RPE: variants seen among roughly 807,000 people sequenced by gnomAD.
RPE encodes the protein ribulose-phosphate 3-epimerase.
Under a neutral mutation model 24.6 loss-of-function variants are expected in RPE, and 16 were observed. That is an observed-to-expected ratio of 0.65 (90% CI 0.44 to 0.99). The LOEUF (loss-of-function observed/expected upper bound fraction) is 0.99, where lower values mean the gene tolerates loss of function less well. Ranked by LOEUF, RPE falls within the 50% of genes least tolerant of loss-of-function variation. The pLI is 0.00. For synonymous variants in RPE, 93 were observed against 98.4 expected (o/e 0.94, Z 0.33); for missense variants, 240 against 294.5 (o/e 0.81, Z 1.35).
chr2:210,009,685 C>T lies in RPE; in HGVS notation c.151C>T (p.His51Tyr). The change falls in exon 2 of 6, where the codon CAC (histidine) becomes TAC (tyrosine). Residue 51 changes from histidine (H) to tyrosine (Y), a missense_variant. Transcript: ENST00000359429. The part of the protein sequence containing the change: ...GHFVPNITFG[H>Y]PVVESLRKQL... ...TTTTGTTCCCAACATCACCTTTGGTCACCCTGTGGTAGAAAGCCTTCGAAA... is the reference window on the plus strand; with the variant it reads ...TTTTGTTCCCAACATCACCTTTGGTTACCCTGTGGTAGAAAGCCTTCGAAA... The T allele has an allele frequency of 6.2e-7, 1 of 1,614,136 alleles. No individual in the cohort carries two copies. Among genetic ancestry groups the T allele is most frequent in the Non-Finnish European group, 8.5e-7 (1 of 1,180,022 alleles).
At position 210,004,199 on chromosome 2, in the gene RPE, A is replaced by G. The variant is rs553391491; in HGVS notation, c.122+1416A>G. Among the ~76,000 whole-genome samples, 4 of 152,312 alleles carry G rather than the reference A, an allele frequency of 2.6e-5. No homozygotes were observed. In the East Asian group the frequency reaches 5.8e-4, roughly 22 times the overall value. Reference sequence around the variant, plus strand: ...CAGCTATGTGTATATTTGTGAGTCTATTTGAGCAATTTGGTTTTAATTAAA... The same window carrying G: ...CAGCTATGTGTATATTTGTGAGTCTGTTTGAGCAATTTGGTTTTAATTAAA... On this transcript the variant is annotated intron_variant, in intron 1 of 5. Transcript: ENST00000359429.
At chr2:210,010,176 C>G (rs2093681892) in intron 2 of RPE, among the ~76,000 whole-genome samples, 1 of 152,162 alleles carries the variant, frequency 6.6e-6, no homozygotes, top group Admixed American at 6.5e-5. Flanking sequence ...ATGATCAGGG[C>G]TCAGTGTAAT....
chr2:210,005,208 C>T (rs1200400196), intron 1 of RPE, among the ~76,000 whole-genome samples: 1 of 151,894 alleles, frequency 6.6e-6, no homozygotes, highest in East Asian at 1.9e-4. Flanking sequence ...GAAATGTGGC[C>T]AGCCACAATG....
chr2:210,005,263 C>G (rs1029639919), intron 1 of RPE, among the ~76,000 whole-genome samples: 1 of 151,928 alleles, frequency 6.6e-6, no homozygotes, highest in African/African-American at 2.4e-5. Flanking sequence ...TTTTCCTGGC[C>G]CCTTTTAAAA....
rs372066514 is a variant in RPE at position 210,021,790 on chromosome 2, A to G, written c.*1999A>G. The G allele has an allele frequency of 5.1e-4, 77 of 152,072 alleles. No individual in the cohort carries two copies. Among genetic ancestry groups the G allele is most frequent in the African/African-American group, 1.7e-3 (72 of 41,512 alleles). 9.4% of individuals were successfully genotyped at this position (152,072 alleles called of 1,614,324 possible). On this transcript the variant is annotated 3_prime_UTR_variant, in exon 6 of 6. Transcript: ENST00000359429. ...TTTCACATAGGAAAAAAATGGTTTAATAGCTTCAAAAGGAATTTTCTTTCA... is the reference window on the plus strand; with the variant it reads ...TTTCACATAGGAAAAAAATGGTTTAGTAGCTTCAAAAGGAATTTTCTTTCA...
In RPE at chr2:210,018,314, G is replaced by T. The variant is rs1198355516; in HGVS notation, c.564+755G>T. On this transcript the variant is annotated intron_variant, in intron 5 of 5. Coordinates refer to ENST00000359429, the MANE Select transcript of RPE (RefSeq NM_199229.3). ...CATATTATTTAGTTGTTCCTTGTAA[G>T]AACTTGCTAGAACCATTTTTGATGA... The T allele has an allele frequency of 2.1e-6, 3 of 1,430,294 alleles. No homozygotes were observed. The African/African-American group carries it at 4.4e-5, about 21-fold the overall frequency. The allele number at this position is 1,430,294 out of a possible 1,614,324, so 88.6% of individuals were successfully genotyped here.
At chr2:210,019,470 A>T (rs2093827463) in intron 5 of RPE, among the ~76,000 whole-genome samples, 199 bp from the exon 6 acceptor site, 1 of 152,216 alleles carries the variant, frequency 6.6e-6, no homozygotes. Context: ...ACATTTAAAA[A>T]TAGTCTGACA....
At chr2:210,019,515 G>A (rs2093828552) in intron 5 of RPE, among the ~76,000 whole-genome samples, 154 bp from the exon 6 acceptor site, 3 of 152,102 alleles carry the variant, frequency 2.0e-5, no homozygotes, top group Admixed American at 6.6e-5. Context: ...TTTTCTTATT[G>A]AACTAGATTG....
intron 5 of RPE, among the ~76,000 whole-genome samples, chr2:210,019,245 T>C (rs2125093691): frequency 6.6e-6 from 1 of 152,358 alleles, no homozygotes; most frequent in South Asian, 2.1e-4. Context: ...TTTACATTTT[T>C]AGCAATAATT....
rs1188835506 is a variant in RPE, at chr2:210,015,999, G to C, written c.229G>C (p.Glu77Gln). 2 of 1,614,214 alleles carry C rather than the reference G, an allele frequency of 1.2e-6. No homozygotes were observed. Among genetic ancestry groups the C allele is most frequent in the South Asian group, 2.2e-5 (2 of 91,086 alleles). ...CATGCACATGATGGTGTCCAAGCCA[G>C]AACAGTGGGTAAAGCCAATGGCTGT... is the stretch of plus-strand genomic sequence containing the variant. The part of the protein sequence containing the change: ...FDMHMMVSKP[E>Q]QWVKPMAVAG... Residue 77 changes from glutamate (E) to glutamine (Q), a missense_variant, in exon 3 of 6, where the codon GAA (glutamate) becomes CAA (glutamine). Glu to Gln is a conservative substitution (Grantham distance 29). Transcript: ENST00000359429.
intron 2 of RPE, among the ~76,000 whole-genome samples, chr2:210,010,796 T>C (rs1182987443): frequency 6.6e-6 from 1 of 152,064 alleles, no homozygotes; most frequent in Non-Finnish European, 1.5e-5. Flanking sequence ...CAAACACCTA[T>C]AATCCCAGCT....
At chr2:210,013,400 T>C (rs2093727454) in intron 2 of RPE, among the ~76,000 whole-genome samples, 1 of 151,656 alleles carries the variant, frequency 6.6e-6, no homozygotes, top group African/African-American at 2.4e-5. Context: ...AGCCTCAGTC[T>C]TGATGGGCTC....
At position 210,020,902 on chromosome 2, in the gene RPE, A is replaced by G. The variant is rs543979082; in HGVS notation, c.*1111A>G. The G allele has an allele frequency of 6.6e-6, 1 of 152,556 alleles. No homozygotes were observed. Among genetic ancestry groups the G allele is most frequent in the African/African-American group, 2.4e-5 (1 of 41,442 alleles). 9.5% of individuals were successfully genotyped at this position (152,556 alleles called of 1,614,324 possible). On this transcript the variant is annotated 3_prime_UTR_variant, in exon 6 of 6. Coordinates refer to ENST00000359429, the MANE Select transcript of RPE (RefSeq NM_199229.3). ...AGAATTTCTGGTCTGTACTTTTACA[A>G]ATGGAGCCCTTGGGAGGTGGGTTAG...
Position 210,017,462 on chromosome 2 carries a change from T to C in RPE, c.478-11T>C. On this transcript the variant is annotated splice_polypyrimidine_tract_variant and intron_variant, in intron 4 of 5. Transcript: ENST00000359429. ...TTTAGGAGTTACTTATTTCCTCATG[T>C]ATATATCTAGGTTCACTGGTTGAGG... 1 of 1,583,160 alleles carries C rather than the reference T, an allele frequency of 6.3e-7. No homozygotes were observed.
intron 4 of RPE, among the ~76,000 whole-genome samples, chr2:210,016,918 A>G (rs1467077973): frequency 6.6e-6 from 1 of 152,162 alleles, no homozygotes; most frequent in Non-Finnish European, 1.5e-5. Context: ...ATTAGGGTTC[A>G]TTGCAGCCTT....
At chr2:210,013,077 A>G (rs1003841281) in intron 2 of RPE, among the ~76,000 whole-genome samples, 3 of 152,230 alleles carry the variant, frequency 2.0e-5, no homozygotes, top group African/African-American at 4.8e-5. Flanking sequence ...AGGCTAAGCT[A>G]TGATGTTTGG....
chr2:210,011,542 T>G (rs2093699498), intron 2 of RPE, among the ~76,000 whole-genome samples: 1 of 152,240 alleles, frequency 6.6e-6, no homozygotes, highest in African/African-American at 2.4e-5. Flanking sequence ...CTTTTTCTTC[T>G]TGTTTTTAAT....
intron 2 of RPE, among the ~76,000 whole-genome samples, chr2:210,011,113 A>G (rs952814166): frequency 1.3e-5 from 2 of 152,154 alleles, no homozygotes; most frequent in Admixed American, 6.6e-5. Flanking sequence ...GAGTTCACCA[A>G]AGAAAATGTA....
At chr2:210,008,820 C>A (rs998930606) in intron 1 of RPE, among the ~76,000 whole-genome samples, 6 of 151,816 alleles carry the variant, frequency 4.0e-5, no homozygotes, top group Admixed American at 1.3e-4. Flanking sequence ...CTCAGCCTGC[C>A]TAGAAGCTGG....
Sources: gnomAD v4.1 joint callset for allele counts (sites outside exome capture counted in the v4.1 genomes callset) on GRCh38, gnomAD v4.1.1 for gene constraint, MANE v1.5 for transcripts, NCBI Gene and HGNC (gene_info 2026-07-23, HGNC 2026-07-21) for gene names.